The following PCNX1 variants were observed in gnomAD, a reference collection of about 807,000 sequenced individuals.
PCNX1 encodes the protein pecanex-like protein 1.
In PCNX1, 78 loss-of-function variants were observed where a neutral mutation model predicts 242.2. That is an observed-to-expected ratio of 0.32 (90% CI 0.27 to 0.39). The LOEUF (loss-of-function observed/expected upper bound fraction) is 0.39, where lower values mean the gene tolerates loss of function less well. Ranked by LOEUF, PCNX1 falls within the 10% of genes least tolerant of loss-of-function variation. The pLI, the probability that PCNX1 is intolerant of heterozygous loss-of-function variation, is 1.00. For synonymous variants in PCNX1, 1,024 were observed against 1,032.9 expected (o/e 0.99, Z 0.17); for missense variants, 2,581 against 2,856.5 (o/e 0.90, Z 2.20).
chr14:71,070,495 T>G (rs141200994), intron 26 of PCNX1, among the ~76,000 whole-genome samples: 1 of 152,250 alleles, frequency 6.6e-6, no homozygotes, highest in African/African-American at 2.4e-5. Context: ...TATTTCTTGA[T>G]GTACAGACTG....
intron 3 of PCNX1, among the ~76,000 whole-genome samples, 187 bp from the exon 4 acceptor site, chr14:70,967,993 AGTAAGACACACGCAGCCT>A (rs2058431729): frequency 6.6e-6 from 1 of 152,198 alleles, no homozygotes; most frequent in Admixed American, 6.5e-5. Context: ...TCCACATATC[AGTAAGACACACGCAGCCT>A]GTGCCGCAGC....
At chr14:71,093,620 A>T (rs1320216806) in intron 30 of PCNX1, 1 of 152,260 alleles carries the variant, frequency 6.6e-6, no homozygotes, top group Non-Finnish European at 1.5e-5. Flanking sequence ...AATTGGTACT[A>T]TATGGAAACA....
At position 71,113,064 on chromosome 14, in the gene PCNX1, A is replaced by T. The variant is rs1177290371; in HGVS notation, c.*3129A>T. On this transcript the variant is annotated 3_prime_UTR_variant, in exon 36 of 36. Coordinates refer to ENST00000304743, the MANE Select transcript of PCNX1 (RefSeq NM_014982.3). The stretch of plus-strand genomic sequence containing the variant: ...TTTAATGTTGACTTTTTGCTAAAGA[A>T]CTTTAATTTTTCCAAGAATCTAGAT... 1 of 152,150 alleles carries T rather than the reference A, an allele frequency of 6.6e-6. No individual in the cohort carries two copies. Among genetic ancestry groups the T allele is most frequent in the African/African-American group, 2.4e-5 (1 of 41,428 alleles). 9.4% of individuals were successfully genotyped at this position (152,150 alleles called of 1,614,324 possible).
chr14:70,933,213 G>A (rs765627327), intron 1 of PCNX1, among the ~76,000 whole-genome samples: 6 of 152,210 alleles, frequency 3.9e-5, no homozygotes, highest in Non-Finnish European at 7.3e-5. Flanking sequence ...TTTACTAGCA[G>A]CTACTTTGCT....
intron 6 of PCNX1, among the ~76,000 whole-genome samples, chr14:70,980,251 G>GT (rs2058799623): frequency 6.6e-6 from 1 of 151,412 alleles, no homozygotes; most frequent in Non-Finnish European, 1.5e-5. Context: ...GAGGTGTTCT[G>GT]TTTTTTAGGA....
At position 70,937,825 on chromosome 14, in the gene PCNX1, A is replaced by T. The variant is rs142216529; in HGVS notation, c.154-9090A>T. 8.3e-3 allele frequency among the ~76,000 whole-genome samples: 1,264 copies of T among 152,258 alleles called. 10 individuals are homozygous for T. Among genetic ancestry groups the T allele is most frequent in the African/African-American group, 0.029 (1,190 of 41,542 alleles). ...TTTATTTCGTTGAGCAGTGGTTTAT[A>T]GTTCTCCTTGAAGAGGTCCTTCACA... On this transcript the variant is annotated intron_variant, in intron 1 of 35. Transcript: ENST00000304743.
chr14:71,047,871 A>G lies in PCNX1; in HGVS notation c.4225A>G (p.Thr1409Ala), dbSNP rs368770069. 46 of 1,613,144 alleles carry G rather than the reference A, an allele frequency of 2.9e-5. No individual in the cohort carries two copies. Among genetic ancestry groups the G allele is most frequent in the Middle Eastern group, 1.6e-4 (1 of 6,078 alleles). ...GCTACGATCCTCTTTTAGCAGCCCT[A>G]CATATCAGTATGTTACAGTCATCTT... ...KLLRSSFSSP[T>A]YQYVTVIFTV... Residue 1409 changes from threonine to alanine, a missense_variant, in exon 22 of 36, where the codon ACA becomes GCA. This residue lies in a region of PCNX1 where 432 missense variants were observed against 443.1 expected (regional missense o/e 0.97). Transcript: ENST00000304743.
At chr14:70,923,357 C>G (rs2056451834) in intron 1 of PCNX1, among the ~76,000 whole-genome samples, 1 of 151,976 alleles carries the variant, frequency 6.6e-6, no homozygotes, top group South Asian at 2.1e-4. Context: ...CTATTAAGGG[C>G]TTGTAAGAAA....
Position 71,033,529 on chromosome 14 carries a change from C to T in PCNX1, c.3659C>T (p.Ser1220Phe), listed in dbSNP as rs865835772. The T allele has an allele frequency of 6.4e-7, 1 of 1,556,856 alleles. No individual in the cohort carries two copies. Among genetic ancestry groups the T allele is most frequent in the Non-Finnish European group, 8.8e-7 (1 of 1,131,220 alleles). Residue 1220 changes from serine to phenylalanine, a missense_variant, in exon 17 of 36, where the codon TCT becomes TTT. Ser to Phe is a radical substitution (Grantham distance 155). Around this residue, in one of 9 missense-constraint regions of PCNX1, gnomAD observed 432 missense variants for 443.1 expected, o/e 0.97. Transcript: ENST00000304743. ...CTCAGCCGACAAAGCAGTGATCCAT[C>T]TGTACTTTTGTAAGTGAACTCAATT... ...YHLSRQSSDP[S>F]VLFSLVQSKI...
intron 7 of PCNX1, among the ~76,000 whole-genome samples, chr14:70,993,303 A>G (rs1212748899): frequency 6.8e-6 from 1 of 147,466 alleles, no homozygotes; most frequent in Admixed American, 6.7e-5. Flanking sequence ...TTTTTTTTGT[A>G]TGTTTAGTAG....
intron 28 of PCNX1, among the ~76,000 whole-genome samples, chr14:71,077,184 G>A (rs954026281): frequency 1.3e-5 from 2 of 152,052 alleles, no homozygotes; most frequent in African/African-American, 4.8e-5. Context: ...GATGAGTTAG[G>A]GACTTCAGCA....
rs142708059 is a variant in PCNX1 at position 70,953,351 on chromosome 14, T to C, written c.362+6228T>C. On this transcript the variant is annotated intron_variant, in intron 2 of 35. Coordinates refer to ENST00000304743, the MANE Select transcript of PCNX1 (RefSeq NM_014982.3). ...TTCAGTTAAGCTTTCTGATTACTAC[T>C]GAGGTTAAACATTTTATTTTTTTAT... 2.2e-3 allele frequency among the ~76,000 whole-genome samples: 339 copies of C among 152,300 alleles called. 2 individuals carry two copies. The highest frequency in any genetic ancestry group is 7.8e-3 in the African/African-American group (326 of 41,578).
At chr14:70,952,646 T>C (rs1270219993) in intron 2 of PCNX1, among the ~76,000 whole-genome samples, 1 of 152,230 alleles carries the variant, frequency 6.6e-6, no homozygotes, top group East Asian at 1.9e-4. Flanking sequence ...TAGCTAGAGT[T>C]TATTCATATT....
chr14:71,034,048 C>T lies in PCNX1; in HGVS notation c.3774+12C>T, dbSNP rs761803084. On this transcript the variant is annotated intron_variant, in intron 18 of 35. Transcript: ENST00000304743. The stretch of plus-strand genomic sequence containing the variant: ...TTAGAAATTCTGTTGTAAGTTTTAA[C>T]ATTTAGAATCACCTAAAAGACTTAA... 2.2e-6 allele frequency: 3 copies of T among 1,373,952 alleles called. No homozygotes were observed. The highest frequency in any genetic ancestry group is 3.5e-5 in the Admixed American group (2 of 56,922). 85.1% of individuals were successfully genotyped at this position (1,373,952 alleles called of 1,614,324 possible). A position where few individuals can be genotyped will look rare whatever the true frequency, so the allele number is the denominator to read the frequency against.
At chr14:71,083,173 A>G (rs1456534529) in intron 28 of PCNX1, among the ~76,000 whole-genome samples, 2 of 152,216 alleles carry the variant, frequency 1.3e-5, no homozygotes, top group African/African-American at 4.8e-5. Context: ...AATGTTGAAT[A>G]CTGGCCCTCA....
chr14:71,027,654 G>C (rs1016346989), intron 15 of PCNX1, among the ~76,000 whole-genome samples: 12 of 151,972 alleles, frequency 7.9e-5, no homozygotes, highest in African/African-American at 2.6e-4. Flanking sequence ...CCAAGCATAT[G>C]CATTGAAATC....
At chr14:70,972,776 AC>A (rs1317450349) in intron 5 of PCNX1, among the ~76,000 whole-genome samples, 2 of 152,188 alleles carry the variant, frequency 1.3e-5, no homozygotes, top group Non-Finnish European at 2.9e-5. Context: ...AAGATAATCT[AC>A]AGTTTCCCTA....
At position 70,958,402 on chromosome 14, in the gene PCNX1, G is replaced by A. The variant is rs894371439; in HGVS notation, c.363-3824G>A. Among the ~76,000 whole-genome samples the A allele has an allele frequency of 3.3e-5, 5 of 152,062 alleles. No homozygotes were observed. In the South Asian group the frequency reaches 1.0e-3, roughly 32 times the overall value. On this transcript the variant is annotated intron_variant, in intron 2 of 35. Coordinates refer to ENST00000304743, the MANE Select transcript of PCNX1 (RefSeq NM_014982.3). ...ATACTTAAATGGAAAATTATATATT[G>A]CCTATATCTTTTGATTGCAGCTGTC...
intron 2 of PCNX1, among the ~76,000 whole-genome samples, chr14:70,947,850 C>A (rs1324283996): frequency 1.3e-5 from 2 of 152,132 alleles, no homozygotes; most frequent in Admixed American, 6.5e-5. Flanking sequence ...TCGCTGAATT[C>A]TTTTTCTTAG....
Sources: allele counts gnomAD v4.1 joint callset (sites outside exome capture counted in the v4.1 genomes callset), GRCh38; gene constraint gnomAD v4.1.1; regional missense constraint gnomAD v4.1.1; transcripts MANE v1.5; gene names NCBI Gene and HGNC (gene_info 2026-07-23, HGNC 2026-07-21).